DCHS2: variants seen among roughly 807,000 people sequenced by gnomAD.
DCHS2 encodes protocadherin-23.
A neutral mutation model predicts 182.4 loss-of-function variants in DCHS2; 142 were observed. The observed-to-expected ratio is 0.78, with a 90% CI of 0.68 to 0.89. The LOEUF is 0.89. Among genes scored for constraint, DCHS2 ranks in the 40% least tolerant of loss-of-function variants. The probability of loss-of-function intolerance (pLI) is 0.00; values close to 1 mark genes in which losing one functional copy is unlikely to be tolerated. For synonymous variants in DCHS2, 1,740 were observed against 1,663.3 expected, an observed-to-expected ratio of 1.05 and a Z score of -1.12; for missense variants, 4,319 against 4,198.6, an observed-to-expected ratio of 1.03 and a Z score of -0.79.
At position 154,236,112 on chromosome 4, in the gene DCHS2, T is replaced by A. The variant is rs1731482437; in HGVS notation, c.8540A>T (p.Lys2847Ile). 5 of 1,613,642 alleles carry A rather than the reference T, an allele frequency of 3.1e-6. No homozygotes were observed. In the South Asian group the frequency reaches 4.4e-5, roughly 14 times the overall value. ...KQILDYENGN[K>I]YCLTVQAKDK... ...TTTGGCTTGGACTGTGAGGCAGTATTTATTGCCATTTTCATAGTCAAGGAT... is the reference window on the plus strand; with the variant it reads ...TTTGGCTTGGACTGTGAGGCAGTATATATTGCCATTTTCATAGTCAAGGAT... The change falls in exon 20 of 20, where the codon AAA becomes ATA. Residue 2847 changes from lysine to isoleucine, a missense_variant. Lys to Ile is a moderately radical substitution (Grantham distance 102). Coordinates refer to ENST00000357232, the MANE Select transcript of DCHS2 (RefSeq NM_001358235.2).
At chr4:154,377,540 C>T in intron 1 of DCHS2, 96 bp from the exon 2 acceptor site, 1 of 924,366 alleles carries the variant, frequency 1.1e-6, no homozygotes, top group Non-Finnish European at 1.6e-6. Context: ...AACCACATAA[C>T]CCCCATAGCT....
chr4:154,293,293 C>T (rs1311577865), intron 13 of DCHS2, among the ~76,000 whole-genome samples: 1 of 152,020 alleles, frequency 6.6e-6, no homozygotes, highest in Admixed American at 6.6e-5. Flanking sequence ...ACCTCTGCCT[C>T]CCAGGTTCAA....
chr4:154,414,483 CTTTCTTTTTTTT>C (rs753777325), intron 1 of DCHS2, among the ~76,000 whole-genome samples: 1 of 119,458 alleles, frequency 8.4e-6, no homozygotes, highest in Admixed American at 8.9e-5. Context: ...CTCCATACAG[CTTTCTTTTTTTT>C]TTTTTTTTTT....
At chr4:154,397,084 A>T (rs1731961466) in intron 1 of DCHS2, among the ~76,000 whole-genome samples, 1 of 152,234 alleles carries the variant, frequency 6.6e-6, no homozygotes, top group Non-Finnish European at 1.5e-5. Context: ...TGTGGAGTGC[A>T]GGAAGCACAG....
chr4:154,256,841 G>A (rs1732701311), intron 15 of DCHS2, among the ~76,000 whole-genome samples: 1 of 152,028 alleles, frequency 6.6e-6, no homozygotes, highest in African/African-American at 2.4e-5. Flanking sequence ...GACCCTGAGT[G>A]ACCCAGGTGC....
chr4:154,243,772 C>G (rs1170196000), intron 16 of DCHS2, among the ~76,000 whole-genome samples: 1 of 152,184 alleles, frequency 6.6e-6, no homozygotes, highest in Non-Finnish European at 1.5e-5. Context: ...CTGGAATGCT[C>G]TATATGTATT....
chr4:154,403,212 T>G (rs1016955025), intron 1 of DCHS2, among the ~76,000 whole-genome samples: 1 of 152,164 alleles, frequency 6.6e-6, no homozygotes, highest in Non-Finnish European at 1.5e-5. Flanking sequence ...TGATTAGAAG[T>G]GGTGAGAAAA....
chr4:154,286,172 CA>C (rs1368005409), intron 13 of DCHS2, among the ~76,000 whole-genome samples: 1 of 152,030 alleles, frequency 6.6e-6, no homozygotes, highest in East Asian at 1.9e-4. Flanking sequence ...CTGCAGTGAC[CA>C]AAAACTTAGA....
chr4:154,420,098 C>T lies in DCHS2; in HGVS notation c.2053-42654G>A, dbSNP rs1733040343. Among the ~76,000 whole-genome samples the T allele has an allele frequency of 2.0e-5, 3 of 152,066 alleles. No homozygotes were observed. In the South Asian group the frequency reaches 6.2e-4, roughly 32 times the overall value. On this transcript the variant is annotated intron_variant, in intron 1 of 19. Transcript: ENST00000357232. ...TAGAAATAGTCAAGGCTTAAAATAA[C>T]AGCCATGGGGGCTGACTGAACAGGG...
chr4:154,316,320 T>C (rs1383078509), intron 9 of DCHS2, among the ~76,000 whole-genome samples: 4 of 152,204 alleles, frequency 2.6e-5, no homozygotes, highest in African/African-American at 9.6e-5. Context: ...ACTAACAATA[T>C]ATATCATCTT....
At chr4:154,316,692 G>A (rs1289604116) in intron 9 of DCHS2, among the ~76,000 whole-genome samples, 3 of 152,192 alleles carry the variant, frequency 2.0e-5, no homozygotes, top group Non-Finnish European at 4.4e-5. Context: ...GCTGAGGCAG[G>A]AGAATCACTG....
chr4:154,376,881 A>G (rs1365278652), intron 2 of DCHS2, among the ~76,000 whole-genome samples: 6 of 152,224 alleles, frequency 3.9e-5, no homozygotes, highest in African/African-American at 7.2e-5. Context: ...TTACAGATGG[A>G]AACTTAAAGA....
At chr4:154,367,194 G>T (rs1329254304) in intron 2 of DCHS2, among the ~76,000 whole-genome samples, 1 of 152,228 alleles carries the variant, frequency 6.6e-6, no homozygotes, top group Non-Finnish European at 1.5e-5. Context: ...GAAGGACATG[G>T]TTCTTCCTCA....
intron 1 of DCHS2, among the ~76,000 whole-genome samples, chr4:154,482,239 A>G (rs1323536970): frequency 2.0e-5 from 3 of 152,250 alleles, no homozygotes; most frequent in African/African-American, 4.8e-5. Flanking sequence ...TTCTTCTCAT[A>G]TGAAACATAT....
At chr4:154,316,935 A>T (rs575095166) in intron 9 of DCHS2, among the ~76,000 whole-genome samples, 1 of 152,354 alleles carries the variant, frequency 6.6e-6, no homozygotes, top group South Asian at 2.1e-4. Flanking sequence ...TATGATTCCA[A>T]TTATCACATT....
At position 154,364,024 on chromosome 4, in the gene DCHS2, A is replaced by G. The variant is rs1463407443; in HGVS notation, c.2476+2186T>C. Among the ~76,000 whole-genome samples the G allele has an allele frequency of 2.0e-5, 3 of 152,222 alleles. No individual in the cohort carries two copies. The East Asian group carries it at 5.8e-4, about 29-fold the overall frequency. ...GATTAAGTGCGACCAAATTCCAAGC[A>G]CTATTTGACTGAGAAATGTCTTCAA... On this transcript the variant is annotated intron_variant, in intron 3 of 19. Transcript: ENST00000357232.
At chr4:154,309,855 T>C (rs967809776) in intron 10 of DCHS2, among the ~76,000 whole-genome samples, 1 of 152,252 alleles carries the variant, frequency 6.6e-6, no homozygotes, top group African/African-American at 2.4e-5. Flanking sequence ...CAAATGGCGC[T>C]GACTTTGACC....
At chr4:154,469,526 T>A (rs1735373265) in intron 1 of DCHS2, among the ~76,000 whole-genome samples, 1 of 152,238 alleles carries the variant, frequency 6.6e-6, no homozygotes, top group Non-Finnish European at 1.5e-5. Context: ...TCTTAATATG[T>A]ACTTGTAAGT....
chr4:154,483,164 T>C (rs1735986144), intron 1 of DCHS2, among the ~76,000 whole-genome samples: 1 of 151,954 alleles, frequency 6.6e-6, no homozygotes. Flanking sequence ...TGTATACATG[T>C]ATGGAAGAGG....
Sources: gnomAD v4.1 joint callset for allele counts (sites outside exome capture counted in the v4.1 genomes callset) on GRCh38, gnomAD v4.1.1 for gene constraint, MANE v1.5 for transcripts, NCBI Gene and HGNC (gene_info 2026-07-23, HGNC 2026-07-21) for gene names.